NTM: variants seen among roughly 807,000 people sequenced by gnomAD.
The protein encoded by NTM is neurotrimin.
Under a neutral mutation model 42.1 loss-of-function variants are expected in NTM, and 13 were observed. The observed-to-expected ratio is 0.31, with a 90% CI of 0.20 to 0.49. The LOEUF (loss-of-function observed/expected upper bound fraction) is 0.49, where lower values mean the gene tolerates loss of function less well. Among genes scored for constraint, NTM ranks in the 20% least tolerant of loss-of-function variants. The pLI is 0.99. For synonymous variants in NTM, 187 were observed against 179.2 expected, an observed-to-expected ratio of 1.04 and a Z score of -0.35; for missense variants, 373 against 452.8, an observed-to-expected ratio of 0.82 and a Z score of 1.60.
At chr11:132,244,000 T>C (rs1354406921) in intron 4 of NTM, among the ~76,000 whole-genome samples, 1 of 152,228 alleles carries the variant, frequency 6.6e-6, no homozygotes, top group Admixed American at 6.5e-5. Context: ...TGGGCTCTCA[T>C]GATGGGCTCA....
intron 1 of NTM, among the ~76,000 whole-genome samples, chr11:131,817,807 G>A (rs1405366702): frequency 1.3e-5 from 2 of 152,192 alleles, no homozygotes; most frequent in Admixed American, 6.5e-5. Context: ...CAGCCCTTGC[G>A]GGCACTGACT....
At chr11:131,773,913 G>T (rs1347531347) in intron 1 of NTM, 1 of 607,980 alleles carries the variant, frequency 1.6e-6, no homozygotes, top group Non-Finnish European at 2.1e-6. Flanking sequence ...TGTCAGCTAC[G>T]ACTGCTGGAC....
rs534526458 is a variant in NTM, at chr11:132,169,628, C to T, written c.400+23114C>T. 1.5e-4 allele frequency among the ~76,000 whole-genome samples: 23 copies of T among 151,940 alleles called. No individual in the cohort carries two copies. In the East Asian group the frequency reaches 3.3e-3, roughly 22 times the overall value. On this transcript the variant is annotated intron_variant, in intron 3 of 8. Coordinates refer to ENST00000683400, the MANE Select transcript of NTM (RefSeq NM_001352005.2). ...GGATTACAGGCGTGAACCACTGTGC[C>T]GGGCCAATTTTTTACTTCTTGAATA... is the stretch of plus-strand genomic sequence containing the variant.
At chr11:132,138,047 T>C (rs990129098) in intron 2 of NTM, among the ~76,000 whole-genome samples, 1 of 152,182 alleles carries the variant, frequency 6.6e-6, no homozygotes, top group Non-Finnish European at 1.5e-5. Context: ...ATGCTCCTCC[T>C]ACTGCTGGAC....
At chr11:131,618,492 G>A (rs899815389) in intron 1 of NTM, among the ~76,000 whole-genome samples, 3 of 152,086 alleles carry the variant, frequency 2.0e-5, no homozygotes, top group Non-Finnish European at 2.9e-5. Context: ...CATGCTATCC[G>A]AATTAAATTA....
chr11:131,587,557 T>A (rs2058984493), intron 1 of NTM, among the ~76,000 whole-genome samples: 1 of 152,186 alleles, frequency 6.6e-6, no homozygotes, highest in Non-Finnish European at 1.5e-5. Context: ...ATTTTAGAAC[T>A]CACAAATATT....
At chr11:132,321,993 C>G (rs1413978528) in intron 7 of NTM, among the ~76,000 whole-genome samples, 2 of 151,080 alleles carry the variant, frequency 1.3e-5, no homozygotes, top group African/African-American at 4.9e-5. Context: ...GATTTTGTCA[C>G]CACCAGGCCT....
chr11:131,621,973 T>C (rs1027295528), intron 1 of NTM, among the ~76,000 whole-genome samples: 7 of 152,190 alleles, frequency 4.6e-5, no homozygotes, highest in African/African-American at 1.7e-4. Context: ...TCAGTCTCTC[T>C]TTGGAAGTCT....
At chr11:131,390,619 G>A (rs1313674225) in intron 1 of NTM, among the ~76,000 whole-genome samples, 1 of 152,162 alleles carries the variant, frequency 6.6e-6, no homozygotes, top group Non-Finnish European at 1.5e-5. Flanking sequence ...AACTCGATGG[G>A]CTAGAAAGAA....
chr11:131,928,143 C>T (rs1459712417), intron 2 of NTM, among the ~76,000 whole-genome samples: 1 of 151,840 alleles, frequency 6.6e-6, no homozygotes, highest in Non-Finnish European at 1.5e-5. Context: ...CAACAGAAAC[C>T]AACATCGGTA....
intron 2 of NTM, among the ~76,000 whole-genome samples, chr11:132,080,325 G>A (rs911609415): frequency 6.6e-6 from 1 of 152,200 alleles, no homozygotes; most frequent in Non-Finnish European, 1.5e-5. Context: ...CACCAGCTGT[G>A]CCCACATGGC....
intron 3 of NTM, among the ~76,000 whole-genome samples, chr11:132,173,170 G>A (rs2076336817): frequency 1.3e-5 from 2 of 152,200 alleles, no homozygotes; most frequent in African/African-American, 2.4e-5. Context: ...TGCAAAAAGT[G>A]AGACAACATG....
intron 1 of NTM, among the ~76,000 whole-genome samples, chr11:131,618,188 G>C (rs567287872): frequency 5.9e-5 from 9 of 152,334 alleles, no homozygotes; most frequent in Admixed American, 3.9e-4. Flanking sequence ...CAGAAATTCA[G>C]CACATCCAAG....
intron 1 of NTM, among the ~76,000 whole-genome samples, chr11:131,743,148 C>T (rs558335410): frequency 6.6e-6 from 1 of 152,192 alleles, no homozygotes; most frequent in South Asian, 2.1e-4. Context: ...ATATATTTAA[C>T]AGACCTGAAC....
At chr11:131,700,716 C>T (rs1381234277) in intron 1 of NTM, among the ~76,000 whole-genome samples, 2 of 152,208 alleles carry the variant, frequency 1.3e-5, no homozygotes. Context: ...AACCCTTATT[C>T]CCCTGAAACC....
At chr11:131,497,855 C>T (rs532753171) in intron 1 of NTM, among the ~76,000 whole-genome samples, 7 of 152,250 alleles carry the variant, frequency 4.6e-5, no homozygotes, top group Admixed American at 4.6e-4. Flanking sequence ...CTTAGTCATC[C>T]TTAGTCACCT....
intron 2 of NTM, among the ~76,000 whole-genome samples, chr11:132,013,941 A>G (rs1408363595): frequency 2.6e-5 from 4 of 152,192 alleles, no homozygotes; most frequent in East Asian, 1.9e-4. Context: ...GTTGTTAACT[A>G]TATTTACCAT....
At chr11:131,797,040 C>T (rs7931578) in intron 1 of NTM, among the ~76,000 whole-genome samples, 16,619 of 152,188 alleles carry the variant, frequency 0.11, 3,089 homozygotes, top group African/African-American at 0.38. Context: ...AATATTAATA[C>T]TTAGAAGGCT....
At chr11:131,832,784 A>G (rs1335591775) in intron 1 of NTM, among the ~76,000 whole-genome samples, 2 of 152,240 alleles carry the variant, frequency 1.3e-5, no homozygotes, top group Non-Finnish European at 2.9e-5. Flanking sequence ...GTGTATATGT[A>G]TGTACGTGCA....
Sources: allele counts gnomAD v4.1 joint callset (sites outside exome capture counted in the v4.1 genomes callset), GRCh38; gene constraint gnomAD v4.1.1; transcripts MANE v1.5; gene names NCBI Gene and HGNC (gene_info 2026-07-23, HGNC 2026-07-21).